Variants in LIN52 observed in about 807,000 individuals in gnomAD.
The protein encoded by LIN52 is lin-52 DREAM MuvB core complex component.
Under a neutral mutation model 18.5 loss-of-function variants are expected in LIN52, and 4 were observed. That is an observed-to-expected ratio of 0.22 (90% confidence interval 0.11 to 0.49). LIN52 has a LOEUF of 0.49. Among genes scored for constraint, LIN52 ranks in the 20% least tolerant of loss-of-function variants. LIN52 has a pLI of 0.97. For synonymous variants in LIN52, 34 were observed against 45.5 expected (o/e 0.75, Z 1.02); for missense variants, 102 against 139.5 (o/e 0.73, Z 1.35).
chr14:74,186,397 T>C (rs929686508), intron 5 of LIN52, among the ~76,000 whole-genome samples: 1 of 152,194 alleles, frequency 6.6e-6, no homozygotes, highest in Non-Finnish European at 1.5e-5. Flanking sequence ...ACCTACCATA[T>C]GCTTGGTATT....
intron 5 of LIN52, among the ~76,000 whole-genome samples, chr14:74,194,619 A>G (rs2078898872): frequency 6.6e-6 from 1 of 152,172 alleles, no homozygotes; most frequent in South Asian, 2.1e-4. Flanking sequence ...AGCATTTCAC[A>G]TGTTAACCCT....
At chr14:74,165,584 C>T (rs1461970264) in intron 5 of LIN52, among the ~76,000 whole-genome samples, 1 of 141,992 alleles carries the variant, frequency 7.0e-6, no homozygotes, top group Non-Finnish European at 1.5e-5. Context: ...TCTTGGCTCC[C>T]TGCAACCTCC....
chr14:74,145,152 A>G (rs1227403940), intron 5 of LIN52, among the ~76,000 whole-genome samples: 5 of 152,230 alleles, frequency 3.3e-5, no homozygotes, highest in African/African-American at 9.6e-5. Context: ...TCCATTGATC[A>G]TAAGCAGTTA....
At chr14:74,178,257 G>A (rs2061302035) in intron 5 of LIN52, among the ~76,000 whole-genome samples, 1 of 152,146 alleles carries the variant, frequency 6.6e-6, no homozygotes, top group Non-Finnish European at 1.5e-5. Context: ...TGAAGTGAAT[G>A]TACCCAGCAG....
At chr14:74,119,709 T>TTAATGAC (rs1266128194) in intron 5 of LIN52, among the ~76,000 whole-genome samples, 1 of 152,220 alleles carries the variant, frequency 6.6e-6, no homozygotes, top group Non-Finnish European at 1.5e-5. Context: ...TTGCATTTCC[T>TTAATGAC]TAATGACTAA....
At chr14:74,131,488 T>G (rs2061067143) in intron 5 of LIN52, among the ~76,000 whole-genome samples, 1 of 146,488 alleles carries the variant, frequency 6.8e-6, no homozygotes. Context: ...CTGGCTAACT[T>G]TTTGTATTTT....
intron 5 of LIN52, among the ~76,000 whole-genome samples, chr14:74,132,641 T>TA (rs1782030753): frequency 6.6e-6 from 1 of 152,138 alleles, no homozygotes; most frequent in Admixed American, 6.6e-5. Flanking sequence ...CCCGAGTAGC[T>TA]AGGACTACAG....
chr14:74,184,878 C>T (rs2139589239), intron 5 of LIN52, among the ~76,000 whole-genome samples: 1 of 152,218 alleles, frequency 6.6e-6, no homozygotes, highest in East Asian at 1.9e-4. Context: ...GGTGCCCCTT[C>T]AAGTTGGCTC....
intron 5 of LIN52, among the ~76,000 whole-genome samples, chr14:74,184,654 A>C (rs1231891543): frequency 6.6e-6 from 1 of 152,250 alleles, no homozygotes. Context: ...TTATTATTCT[A>C]TTAAATCGGC....
chr14:74,185,107 G>A (rs2061335484), intron 5 of LIN52, among the ~76,000 whole-genome samples: 2 of 151,774 alleles, frequency 1.3e-5, no homozygotes, highest in African/African-American at 4.8e-5. Context: ...GTTTCTTTTA[G>A]TAGAAATCTA....
chr14:74,130,135 A>G (rs2061052383), intron 5 of LIN52, among the ~76,000 whole-genome samples: 1 of 152,066 alleles, frequency 6.6e-6, no homozygotes, highest in Non-Finnish European at 1.5e-5. Context: ...TCTCTCCTAC[A>G]ACACGTGGGA....
chr14:74,182,043 C>T (rs577503939), intron 5 of LIN52, among the ~76,000 whole-genome samples: 1 of 152,336 alleles, frequency 6.6e-6, no homozygotes, highest in East Asian at 1.9e-4. Flanking sequence ...CAAGGTCTCA[C>T]TCTGTCACCC....
At chr14:74,182,226 G>T (rs2061321085) in intron 5 of LIN52, among the ~76,000 whole-genome samples, 1 of 152,158 alleles carries the variant, frequency 6.6e-6, no homozygotes, top group Admixed American at 6.5e-5. Context: ...TGCCCAGGCT[G>T]TTCTGAAACT....
At chr14:74,106,337 A>G (rs1566848811) in intron 5 of LIN52, among the ~76,000 whole-genome samples, 1 of 151,932 alleles carries the variant, frequency 6.6e-6, no homozygotes, top group Admixed American at 6.6e-5. Flanking sequence ...TGGCCTTATC[A>G]TGGCTCACTG....
intron 2 of LIN52, among the ~76,000 whole-genome samples, chr14:74,092,526 A>C (rs1033795272): frequency 2.7e-5 from 4 of 146,010 alleles, no homozygotes; most frequent in African/African-American, 5.1e-5. Flanking sequence ...GGCTGGTCTC[A>C]AACTCCTGAT....
intron 5 of LIN52, among the ~76,000 whole-genome samples, chr14:74,130,259 A>G (rs28883896): frequency 0.01 from 1,058 of 101,662 alleles, 23 homozygotes; most frequent in African/African-American, 0.04. Context: ...TGAGGAATTT[A>G]TTAGATAGGC....
chr14:74,123,100 T>C lies in LIN52; in HGVS notation c.283+21862T>C, dbSNP rs191603306. Among the ~76,000 whole-genome samples the C allele has an allele frequency of 1.9e-4, 29 of 152,336 alleles. No individual in the cohort carries two copies. The South Asian group carries it at 6.0e-3, about 32-fold the overall frequency. ...AAACTATTAACTGTTGTTACTCTTA[T>C]GAGCAGCATATGAGAAATTTTAAGC... is the stretch of plus-strand genomic sequence containing the variant. On this transcript the variant is annotated intron_variant, in intron 5 of 5. Coordinates refer to ENST00000555028, the MANE Select transcript of LIN52 (RefSeq NM_001024674.3).
intron 5 of LIN52, among the ~76,000 whole-genome samples, chr14:74,176,877 A>C (rs919820338): frequency 2.0e-5 from 3 of 152,220 alleles, no homozygotes; most frequent in Admixed American, 6.5e-5. Context: ...GCTAGACCAA[A>C]GTAACCACTA....
chr14:74,142,630 G>A (rs147575027), intron 5 of LIN52, among the ~76,000 whole-genome samples: 1,736 of 151,560 alleles, frequency 0.011, 33 homozygotes, highest in African/African-American at 0.04. Flanking sequence ...GCCATGTGTC[G>A]CTAATGACTA....
Sources: allele counts gnomAD v4.1 joint callset (sites outside exome capture counted in the v4.1 genomes callset), GRCh38; gene constraint gnomAD v4.1.1; transcripts MANE v1.5; gene names NCBI Gene and HGNC (gene_info 2026-07-23, HGNC 2026-07-21).